The following FAXC variants were observed in gnomAD, a reference collection of about 807,000 sequenced individuals.
FAXC encodes failed axon connections homolog.
FAXC carries 10 observed loss-of-function variants against 41.9 expected under a neutral mutation model. That is an observed-to-expected ratio of 0.24 (90% CI 0.15 to 0.41). The LOEUF is 0.41. Among genes scored for constraint, FAXC ranks in the 10% least tolerant of loss-of-function variants. The pLI, the probability that FAXC is intolerant of heterozygous loss-of-function variation, is 1.00. For missense variants in FAXC, 399 were observed against 510.9 expected (o/e 0.78, Z 2.11); for synonymous variants, 183 against 183.8 (o/e 1.00, Z 0.03).
chr6:99,284,859 A>G (rs1254105158), intron 5 of FAXC, among the ~76,000 whole-genome samples: 1 of 151,690 alleles, frequency 6.6e-6, no homozygotes, highest in Non-Finnish European at 1.5e-5. Context: ...GGCTGCAGTG[A>G]GCCGAGATCC....
intron 4 of FAXC, among the ~76,000 whole-genome samples, chr6:99,322,062 G>A (rs946095154): frequency 2.0e-5 from 3 of 152,196 alleles, no homozygotes; most frequent in African/African-American, 7.2e-5. Flanking sequence ...AAAGGAATGA[G>A]GCAAACTTGA....
intron 5 of FAXC, among the ~76,000 whole-genome samples, chr6:99,289,695 G>A (rs28469647): frequency 2.4e-5 from 1 of 41,174 alleles, no homozygotes; most frequent in African/African-American, 1.3e-4. Context: ...GTATATGTGT[G>A]TGTGTGTGTG....
intron 4 of FAXC, among the ~76,000 whole-genome samples, chr6:99,315,230 C>A (rs1331285830): frequency 6.8e-5 from 5 of 73,224 alleles, no homozygotes; most frequent in African/African-American, 1.5e-4. Context: ...AACACTCCAT[C>A]TTAAAAAAAA....
chr6:99,291,730 C>T lies in FAXC; in HGVS notation c.914G>A (p.Gly305Glu), dbSNP rs1771251355. Residue 305 changes from glycine (G) to glutamate (E), a missense_variant, in exon 5 of 6, where the codon GGG becomes GAG. Physicochemically the swap from Gly to Glu is moderately conservative, Grantham distance 98 (BLOSUM62 -2). Transcript: ENST00000389677. The part of the protein sequence containing the change: ...HLAQAMWTLP[G>E]TRPERLIKGE... ...TTTGATCAGCCGTTCGGGTCTTGTCCCTGGTAAGGTCCACATTGCCTGTGC... is the reference window on the plus strand; with the variant it reads ...TTTGATCAGCCGTTCGGGTCTTGTCTCTGGTAAGGTCCACATTGCCTGTGC... 1 of 1,613,882 alleles carries T rather than the reference C, an allele frequency of 6.2e-7. No individual in the cohort carries two copies. The highest frequency in any genetic ancestry group is 1.1e-5 in the South Asian group (1 of 91,070).
intron 5 of FAXC, among the ~76,000 whole-genome samples, chr6:99,283,191 T>C (rs1183702849): frequency 6.6e-6 from 1 of 152,198 alleles, no homozygotes; most frequent in Admixed American, 6.5e-5. Context: ...TTTTGGAAAA[T>C]TAGAATTAGT....
At chr6:99,342,448 G>A (rs977818460) in intron 2 of FAXC, among the ~76,000 whole-genome samples, 9 of 151,812 alleles carry the variant, frequency 5.9e-5, no homozygotes, top group Admixed American at 4.6e-4. Context: ...CGGTTCAAGT[G>A]ATTCTCCTGC....
chr6:99,301,106 C>T (rs1015518490), intron 4 of FAXC, among the ~76,000 whole-genome samples: 1 of 152,234 alleles, frequency 6.6e-6, no homozygotes, highest in African/African-American at 2.4e-5. Context: ...CTTTAACCAC[C>T]AGCACTGTTT....
Position 99,294,752 on chromosome 6 carries a change from A to C in FAXC, c.824-2932T>G, listed in dbSNP as rs150009788. Among the ~76,000 whole-genome samples, 12 of 152,384 alleles carry C rather than the reference A, an allele frequency of 7.9e-5. No individual in the cohort carries two copies. In the East Asian group the frequency reaches 2.3e-3, roughly 29 times the overall value. On this transcript the variant is annotated intron_variant, in intron 4 of 5. Coordinates refer to ENST00000389677, the MANE Select transcript of FAXC (RefSeq NM_032511.4). Reference sequence around the variant, plus strand: ...ATCCAAAGACTGAAGGCAAAATGTGAAACATAAATATGAATAAAAATTTGG... The same window carrying C: ...ATCCAAAGACTGAAGGCAAAATGTGCAACATAAATATGAATAAAAATTTGG...
At chr6:99,318,537 A>C (rs1052550298) in intron 4 of FAXC, among the ~76,000 whole-genome samples, 3 of 152,188 alleles carry the variant, frequency 2.0e-5, no homozygotes, top group African/African-American at 7.2e-5. Flanking sequence ...AAATTTCTAC[A>C]ATAAATTCTA....
chr6:99,318,845 C>T (rs1201813716), intron 4 of FAXC, among the ~76,000 whole-genome samples: 3 of 152,196 alleles, frequency 2.0e-5, no homozygotes, highest in African/African-American at 4.8e-5. Flanking sequence ...CGGGATCTGA[C>T]TCCAGGATTC....
chr6:99,337,015 G>A (rs1291350345), intron 2 of FAXC, among the ~76,000 whole-genome samples: 10 of 152,134 alleles, frequency 6.6e-5, no homozygotes, highest in African/African-American at 1.4e-4. Context: ...AAAAATCCAC[G>A]CACCCACTAT....
At chr6:99,303,723 T>C (rs1771803739) in intron 4 of FAXC, among the ~76,000 whole-genome samples, 1 of 152,232 alleles carries the variant, frequency 6.6e-6, no homozygotes, top group Admixed American at 6.5e-5. Flanking sequence ...TAAAACAGTT[T>C]CATTCAAGAC....
At chr6:99,323,038 C>T (rs1055519948) in intron 4 of FAXC, among the ~76,000 whole-genome samples, 1 of 152,200 alleles carries the variant, frequency 6.6e-6, no homozygotes, top group African/African-American at 2.4e-5. Context: ...AAACTCTTGA[C>T]GTCAATGGGC....
intron 2 of FAXC, among the ~76,000 whole-genome samples, chr6:99,342,084 T>G (rs914640591): frequency 6.6e-6 from 1 of 152,342 alleles, no homozygotes; most frequent in African/African-American, 2.4e-5. Flanking sequence ...AGTACACTCC[T>G]CTTCCTTATT....
intron 5 of FAXC, among the ~76,000 whole-genome samples, chr6:99,287,739 C>G (rs1582618475): frequency 6.6e-6 from 1 of 152,288 alleles, no homozygotes; most frequent in East Asian, 1.9e-4. Flanking sequence ...TCTACTTAAC[C>G]CTTCTCATGT....
Position 99,281,122 on chromosome 6 carries a change from G to A in FAXC, c.*42C>T. Reference sequence around the variant, plus strand: ...TACCTGGGAAAATGGACCGACCCAGGGAGTGGCAGGTCCCAAGGAAGAGGG... The same window carrying A: ...TACCTGGGAAAATGGACCGACCCAGAGAGTGGCAGGTCCCAAGGAAGAGGG... On this transcript the variant is annotated 3_prime_UTR_variant, in exon 6 of 6. Coordinates refer to ENST00000389677, the MANE Select transcript of FAXC (RefSeq NM_032511.4). 1 of 925,562 alleles carries A rather than the reference G, an allele frequency of 1.1e-6. No individual in the cohort carries two copies. Among genetic ancestry groups the A allele is most frequent in the East Asian group, 2.4e-5 (1 of 41,758 alleles). 57.3% of individuals were successfully genotyped at this position (925,562 alleles called of 1,614,324 possible).
intron 1 of FAXC, among the ~76,000 whole-genome samples, chr6:99,345,691 G>T (rs1336306775): frequency 6.6e-6 from 1 of 152,346 alleles, no homozygotes; most frequent in East Asian, 1.9e-4. Context: ...AGTTTGCAGA[G>T]ATCAGATGTT....
At chr6:99,339,813 A>G (rs1773353124) in intron 2 of FAXC, among the ~76,000 whole-genome samples, 1 of 152,184 alleles carries the variant, frequency 6.6e-6, no homozygotes, top group South Asian at 2.1e-4. Context: ...AGAGAGACAT[A>G]GAAAATAGAA....
At chr6:99,310,444 T>C (rs574093471) in intron 4 of FAXC, among the ~76,000 whole-genome samples, 1 of 152,352 alleles carries the variant, frequency 6.6e-6, no homozygotes, top group Admixed American at 6.5e-5. Flanking sequence ...TTATCTGTTC[T>C]GGTGTGGTGC....
Sources: gnomAD v4.1 joint callset for allele counts (sites outside exome capture counted in the v4.1 genomes callset) on GRCh38, gnomAD v4.1.1 for gene constraint, MANE v1.5 for transcripts, NCBI Gene and HGNC (gene_info 2026-07-23, HGNC 2026-07-21) for gene names.